Variants in MAN1A2 observed in about 807,000 individuals in gnomAD.
MAN1A2 encodes mannosyl-oligosaccharide 1,2-alpha-mannosidase IB.
MAN1A2 carries 26 observed loss-of-function variants against 75.7 expected under a neutral mutation model. That is an observed-to-expected ratio of 0.34 (90% CI 0.25 to 0.48). The LOEUF (loss-of-function observed/expected upper bound fraction) is 0.48. MAN1A2 is among the 20% of genes least tolerant of loss of function. The probability of loss-of-function intolerance (pLI) is 0.99; values close to 1 mark genes in which losing one functional copy is unlikely to be tolerated. For missense variants in MAN1A2, 562 were observed against 775.5 expected (o/e 0.72, Z 3.27); for synonymous variants, 247 against 264.6 (o/e 0.93, Z 0.65).
At chr1:117,392,329 G>T (rs1653749477) in intron 1 of MAN1A2, among the ~76,000 whole-genome samples, 1 of 151,656 alleles carries the variant, frequency 6.6e-6, no homozygotes, top group Non-Finnish European at 1.5e-5. Flanking sequence ...TGATCTGCAT[G>T]GCAAACTCTT....
chr1:117,498,931 TA>T (rs1050508647), intron 10 of MAN1A2, among the ~76,000 whole-genome samples: 1 of 151,880 alleles, frequency 6.6e-6, no homozygotes, highest in African/African-American at 2.4e-5. Flanking sequence ...ATTCATAATC[TA>T]AGCTCTAAAA....
intron 1 of MAN1A2, among the ~76,000 whole-genome samples, chr1:117,387,198 C>G (rs1011305480): frequency 6.4e-5 from 9 of 141,408 alleles, no homozygotes; most frequent in Non-Finnish European, 1.2e-4. Flanking sequence ...CCCTTCACAT[C>G]TATTAGGATG....
intron 5 of MAN1A2, among the ~76,000 whole-genome samples, chr1:117,427,319 A>G (rs548441954): frequency 1.3e-3 from 196 of 152,104 alleles, no homozygotes; most frequent in African/African-American, 4.5e-3. Flanking sequence ...CTCATCAGAA[A>G]TGAAATAACA....
chr1:117,513,343 A>G (rs947582352), intron 12 of MAN1A2, among the ~76,000 whole-genome samples: 2 of 152,174 alleles, frequency 1.3e-5, no homozygotes, highest in Admixed American at 6.5e-5. Context: ...CTTTCACCAC[A>G]ATAACGTTTA....
Position 117,523,210 on chromosome 1 carries a change from A to C in MAN1A2, c.*253A>C. On this transcript the variant is annotated 3_prime_UTR_variant, in exon 13 of 13. Transcript: ENST00000356554. ...TGCTTTGATCGTTAATGAGGTGGTC[A>C]CATGAGAAATGATACCTGTTACTAC... 1 of 616,298 alleles carries C rather than the reference A, an allele frequency of 1.6e-6. No homozygotes were observed. The highest frequency in any genetic ancestry group is 1.5e-5 in the South Asian group (1 of 65,764). 38.2% of individuals were successfully genotyped at this position (616,298 alleles called of 1,614,324 possible). A position where few individuals can be genotyped will look rare whatever the true frequency, so the allele number is the denominator to read the frequency against.
chr1:117,434,862 G>A (rs1014243795), intron 5 of MAN1A2, among the ~76,000 whole-genome samples: 1 of 151,540 alleles, frequency 6.6e-6, no homozygotes, highest in Non-Finnish European at 1.5e-5. Flanking sequence ...GACTAAGATG[G>A]TGTTGTAGAG....
rs1255669820 is a variant in MAN1A2 at position 117,509,520 on chromosome 1, T to C, written c.1793+6550T>C. Reference sequence around the variant, plus strand: ...GACTTGGAAGTATATTCTTAAAATATCCTTAAGTGTGTATTATCAGTACTT... The same window carrying C: ...GACTTGGAAGTATATTCTTAAAATACCCTTAAGTGTGTATTATCAGTACTT... On this transcript the variant is annotated intron_variant, in intron 12 of 12. Coordinates refer to ENST00000356554, the MANE Select transcript of MAN1A2 (RefSeq NM_006699.5). 3.9e-5 allele frequency among the ~76,000 whole-genome samples: 6 copies of C among 152,070 alleles called. No individual in the cohort carries two copies. In the East Asian group the frequency reaches 1.2e-3, roughly 29 times the overall value.
chr1:117,526,880 C>CTCTCTCTCTATATATATATATATATATA lies in MAN1A2; in HGVS notation c.*3924_*3925insCTCTCTCTATATATATATATATATATAT. On this transcript the variant is annotated 3_prime_UTR_variant, in exon 13 of 13. Coordinates refer to ENST00000356554, the MANE Select transcript of MAN1A2 (RefSeq NM_006699.5). ...TCTCTCTCTCTCTCTCTCTCTCTCT[C>CTCTCTCTCTATATATATATATATATATA]TATATATATATATATATATATATAT... The CTCTCTCTCTATATATATATATATATATA allele has an allele frequency of 1.8e-4, 10 of 54,508 alleles. No individual in the cohort carries two copies. The highest frequency in any genetic ancestry group is 3.4e-4 in the Non-Finnish European group (10 of 29,154). 3.4% of individuals were successfully genotyped at this position (54,508 alleles called of 1,614,324 possible).
At chr1:117,499,629 C>T in intron 11 of MAN1A2, 75 bp downstream of exon 11, 4 of 1,159,806 alleles carry the variant, frequency 3.4e-6, no homozygotes, top group Non-Finnish European at 4.7e-6. Context: ...ATACCCTCAC[C>T]CATGTTACCT....
intron 1 of MAN1A2, among the ~76,000 whole-genome samples, chr1:117,384,844 A>G (rs1386669318): frequency 6.6e-6 from 1 of 152,168 alleles, no homozygotes; most frequent in Admixed American, 6.5e-5. Context: ...TTATGCTTTC[A>G]AGTTTTGCTT....
Position 117,405,622 on chromosome 1 carries a change from A to G in MAN1A2, c.632A>G (p.Lys211Arg), listed in dbSNP as rs1190713274. The change falls in exon 3 of 13, where the codon AAA (lysine) becomes AGA (arginine). Residue 211 changes from lysine to arginine, a missense_variant. By Grantham distance (26) the Lys-to-Arg change is conservative (BLOSUM62 2). Around this residue, in one of 2 missense-constraint regions of MAN1A2, gnomAD observed 434 missense variants for 645.7 expected, o/e 0.67. Coordinates refer to ENST00000356554, the MANE Select transcript of MAN1A2 (RefSeq NM_006699.5). ...GHNELRPIAR[K>R]GHSPNIFGSS... The stretch of plus-strand genomic sequence containing the variant: ...AATGAACTCAGACCTATTGCAAGGA[A>G]AGGACACTCCCCTAACATATTTGGT... 1.3e-6 allele frequency: 2 copies of G among 1,598,202 alleles called. No homozygotes were observed. The highest frequency in any genetic ancestry group is 1.3e-5 in the African/African-American group (1 of 74,556).
At chr1:117,462,760 T>A (rs1314783123) in intron 7 of MAN1A2, among the ~76,000 whole-genome samples, 1 of 152,098 alleles carries the variant, frequency 6.6e-6, no homozygotes, top group Admixed American at 6.6e-5. Context: ...CGCAGGTGAT[T>A]TTCTGCTGGG....
chr1:117,404,450 A>G (rs1407506808), intron 2 of MAN1A2, among the ~76,000 whole-genome samples: 2 of 152,222 alleles, frequency 1.3e-5, no homozygotes, highest in Admixed American at 1.3e-4. Flanking sequence ...TAATGGCTCT[A>G]AACAAGGGCT....
chr1:117,443,684 TTTTAA>T (rs1251063249), intron 6 of MAN1A2, among the ~76,000 whole-genome samples: 2 of 152,158 alleles, frequency 1.3e-5, no homozygotes, highest in Non-Finnish European at 2.9e-5. Context: ...ATAAGATTAA[TTTTAA>T]TTTAATTTCT....
intron 3 of MAN1A2, among the ~76,000 whole-genome samples, chr1:117,413,723 A>G (rs1183228803): frequency 1.3e-5 from 2 of 151,988 alleles, no homozygotes; most frequent in African/African-American, 2.4e-5. Flanking sequence ...GTTGAAGACA[A>G]TGTAATATAG....
chr1:117,370,071 A>G (rs1190764499), intron 1 of MAN1A2, among the ~76,000 whole-genome samples: 1 of 152,236 alleles, frequency 6.6e-6, no homozygotes, highest in Non-Finnish European at 1.5e-5. Flanking sequence ...AATGGAGTTA[A>G]AATATGAAAT....
chr1:117,491,451 G>A (rs1211434337), intron 8 of MAN1A2, among the ~76,000 whole-genome samples: 1 of 152,020 alleles, frequency 6.6e-6, no homozygotes, highest in East Asian at 1.9e-4. Flanking sequence ...GCACACTGTT[G>A]AGAACTGCTA....
rs559353432 is a variant in MAN1A2, at chr1:117,497,231, G to A, written c.1504+249G>A. Reference sequence around the variant, plus strand: ...AGTAATTGTTTTAAAGACAAGAATCGTGGGGTATTTGGGAATATATGGAAT... The same window carrying A: ...AGTAATTGTTTTAAAGACAAGAATCATGGGGTATTTGGGAATATATGGAAT... On this transcript the variant is annotated intron_variant, in intron 10 of 12. Transcript: ENST00000356554. 9.2e-5 allele frequency among the ~76,000 whole-genome samples: 14 copies of A among 151,976 alleles called. No individual in the cohort carries two copies. The South Asian group carries it at 2.5e-3, about 27-fold the overall frequency.
chr1:117,488,462 C>G (rs548320890), intron 8 of MAN1A2, among the ~76,000 whole-genome samples: 59 of 152,192 alleles, frequency 3.9e-4, no homozygotes, highest in African/African-American at 1.4e-3. Flanking sequence ...TCCCAAAGTG[C>G]TGGGATTGCA....
Sources: gnomAD v4.1 joint callset for allele counts (sites outside exome capture counted in the v4.1 genomes callset) on GRCh38, gnomAD v4.1.1 for gene constraint, gnomAD v4.1.1 regional missense constraint, MANE v1.5 for transcripts, NCBI Gene and HGNC (gene_info 2026-07-23, HGNC 2026-07-21) for gene names.